The following ATXN3 variants were observed in gnomAD, a reference collection of about 807,000 sequenced individuals.
ATXN3 encodes ataxin 3.
ATXN3 carries 28 observed loss-of-function variants against 58.2 expected under a neutral mutation model. The ratio of observed to expected loss-of-function variants is 0.48; its 90% CI spans 0.36 to 0.66. ATXN3 has a LOEUF of 0.66. Ranked by LOEUF, ATXN3 falls within the 30% of genes least tolerant of loss-of-function variation. The probability of loss-of-function intolerance (pLI) is 0.00; values close to 1 mark genes in which losing one functional copy is unlikely to be tolerated. For synonymous variants in ATXN3, 113 were observed against 138.5 expected, an observed-to-expected ratio of 0.82 and a Z score of 1.29; for missense variants, 321 against 422.1, an observed-to-expected ratio of 0.76 and a Z score of 2.10.
intron 1 of ATXN3, among the ~76,000 whole-genome samples, chr14:92,098,403 T>TA (rs1278699198): frequency 6.6e-6 from 1 of 152,044 alleles, no homozygotes; most frequent in Non-Finnish European, 1.5e-5. Context: ...GCCTGACCAA[T>TA]ACGGTGAAAC....
chr14:92,085,240 G>A (rs1309577280), intron 6 of ATXN3, among the ~76,000 whole-genome samples: 2 of 151,560 alleles, frequency 1.3e-5, no homozygotes, highest in African/African-American at 4.9e-5. Context: ...AGGCTGGAGT[G>A]CAGTGGTATG....
intron 1 of ATXN3, among the ~76,000 whole-genome samples, chr14:92,101,969 A>G (rs2066913221): frequency 6.6e-6 from 1 of 152,148 alleles, no homozygotes; most frequent in Admixed American, 6.6e-5. Flanking sequence ...CCTGGCCAAC[A>G]TGGTGAAACC....
intron 10 of ATXN3, among the ~76,000 whole-genome samples, chr14:92,070,533 C>T (rs1420620035): frequency 2.6e-5 from 4 of 152,080 alleles, no homozygotes; most frequent in African/African-American, 7.2e-5. Context: ...GAGCCGAGAT[C>T]GCGACACTGC....
At chr14:92,067,912 C>T (rs1273781577) in intron 10 of ATXN3, among the ~76,000 whole-genome samples, 1 of 152,132 alleles carries the variant, frequency 6.6e-6, no homozygotes, top group Non-Finnish European at 1.5e-5. Context: ...TACTGCTGAA[C>T]GCACATGGGA....
At chr14:92,096,623 CAAAAAAAA>C (rs376966269) in intron 2 of ATXN3, 43 bp downstream of exon 2, 5 of 1,244,378 alleles carry the variant, frequency 4.0e-6, no homozygotes, top group African/African-American at 4.1e-5. Context: ...GACTCCGTCT[CAAAAAAAA>C]AAAAAAAAAA....
intron 6 of ATXN3, among the ~76,000 whole-genome samples, chr14:92,084,607 C>G (rs1399613382): frequency 1.3e-5 from 2 of 150,058 alleles, no homozygotes; most frequent in Non-Finnish European, 2.9e-5. Context: ...GATGGAGTCT[C>G]ACTCTGTCAC....
intron 6 of ATXN3, among the ~76,000 whole-genome samples, chr14:92,086,278 C>T (rs1025044394): frequency 5.0e-5 from 6 of 120,638 alleles, no homozygotes; most frequent in Non-Finnish European, 8.5e-5. Context: ...AAAATTTAGC[C>T]GGGGCCAGGC....
chr14:92,086,553 G>A (rs1214011860), intron 6 of ATXN3, among the ~76,000 whole-genome samples: 1 of 109,266 alleles, frequency 9.2e-6, no homozygotes, highest in Non-Finnish European at 1.8e-5. Context: ...CAACAAGAGG[G>A]AAACTCCATC....
chr14:92,096,637 A>G (rs1417985227), intron 2 of ATXN3, 37 bp downstream of exon 2: 4 of 1,572,846 alleles, frequency 2.5e-6, no homozygotes, highest in Non-Finnish European at 3.4e-6. Context: ...AAAAAAAAAA[A>G]AAAAGAAATG....
intron 9 of ATXN3, among the ~76,000 whole-genome samples, chr14:92,074,553 C>T (rs2060016102): frequency 6.6e-6 from 1 of 152,192 alleles, no homozygotes; most frequent in African/African-American, 2.4e-5. Flanking sequence ...TTAATATCCT[C>T]ATTACCCATT....
intron 1 of ATXN3, chr14:92,097,069 G>C: frequency 2.4e-6 from 1 of 414,422 alleles, no homozygotes; most frequent in Non-Finnish European, 4.4e-6. Context: ...CACCACGCCC[G>C]GCTAAATTTT....
At chr14:92,097,145 G>A (rs901484747) in intron 1 of ATXN3, among the ~76,000 whole-genome samples, 20 of 151,908 alleles carry the variant, frequency 1.3e-4, no homozygotes, top group Admixed American at 4.6e-4. Flanking sequence ...TCCTGACCTC[G>A]TGATCCGCCC....
At chr14:92,081,099 G>A (rs749731921) in intron 8 of ATXN3, 38 bp from the exon 9 acceptor site, 3 of 1,353,292 alleles carry the variant, frequency 2.2e-6, no homozygotes, top group South Asian at 1.2e-5. Flanking sequence ...ACCAATCACT[G>A]TATTTACCAA....
chr14:92,094,323 T>C (rs2064663682), intron 3 of ATXN3, among the ~76,000 whole-genome samples: 1 of 152,200 alleles, frequency 6.6e-6, no homozygotes, highest in Non-Finnish European at 1.5e-5. Context: ...AAGAGTGCTT[T>C]TCATACCAGG....
At chr14:92,103,570 G>A (rs919494857) in intron 1 of ATXN3, among the ~76,000 whole-genome samples, 1 of 152,074 alleles carries the variant, frequency 6.6e-6, no homozygotes, top group Admixed American at 6.6e-5. Context: ...CAAGTCTACA[G>A]GCATGTGCTA....
At chr14:92,051,876 C>A, upstream of ATXN3, among the ~76,000 whole-genome samples, 1 of 150,772 alleles carries the variant, frequency 6.6e-6, no homozygotes, top group East Asian at 2.0e-4. Flanking sequence ...TACAGGCATG[C>A]GCCACCATGC....
chr14:92,068,880 G>A (rs1256199076), intron 10 of ATXN3, among the ~76,000 whole-genome samples: 4 of 151,996 alleles, frequency 2.6e-5, no homozygotes, highest in African/African-American at 9.7e-5. Flanking sequence ...GTGAGCCACC[G>A]CACCCAGCCC....
chr14:92,054,278 C>G (rs2057458041), downstream of ATXN3, among the ~76,000 whole-genome samples: 1 of 152,152 alleles, frequency 6.6e-6, no homozygotes, highest in Non-Finnish European at 1.5e-5. Flanking sequence ...AGGCTGAAAC[C>G]TACTGGGCTG....
Position 92,060,264 on chromosome 14 carries a change from A to AT in ATXN3, c.*4055dup, listed in dbSNP as rs1353573210. 7.1e-5 allele frequency: 8 copies of AT among 112,126 alleles called. No homozygotes were observed. Among genetic ancestry groups the AT allele is most frequent in the Non-Finnish European group, 7.4e-5 (4 of 53,836 alleles). 6.9% of individuals were successfully genotyped at this position (112,126 alleles called of 1,614,324 possible). A position where few individuals can be genotyped will look rare whatever the true frequency, so the allele number is the denominator to read the frequency against. Reference sequence around the variant, plus strand: ...TATATACACACATATATATATATATATATATATTTTTTTTTTTCAGAAACA... The same window carrying AT: ...TATATACACACATATATATATATATATTATATATTTTTTTTTTTCAGAAACA... On this transcript the variant is annotated 3_prime_UTR_variant, in exon 11 of 11. Coordinates refer to ENST00000644486, the MANE Select transcript of ATXN3 (RefSeq NM_004993.6).
Sources: gnomAD v4.1 joint callset for allele counts (sites outside exome capture counted in the v4.1 genomes callset) on GRCh38, gnomAD v4.1.1 for gene constraint, MANE v1.5 for transcripts, NCBI Gene and HGNC (gene_info 2026-07-23, HGNC 2026-07-21) for gene names.